Variants in TSR2 observed in about 807,000 individuals in gnomAD.
The protein encoded by TSR2 is TSR2 ribosome maturation factor.
A neutral mutation model predicts 13.3 loss-of-function variants in TSR2; 1 was observed. That is an observed-to-expected ratio of 0.08 (90% confidence interval 0.03 to 0.36). TSR2 has a LOEUF of 0.36. Ranked by LOEUF, TSR2 falls within the 10% of genes least tolerant of loss-of-function variation. TSR2 has a pLI of 0.99. For synonymous variants in TSR2, 60 were observed against 57.7 expected (o/e 1.04, Z -0.18); for missense variants, 120 against 151.1 (o/e 0.79, Z 1.08).
At chrX:54,440,863 C>T in intron 2 of TSR2, 83 bp downstream of exon 2, 2 of 789,258 alleles carry the variant, frequency 2.5e-6, no homozygotes, top group Non-Finnish European at 3.6e-6. Flanking sequence ...TGCATTTCCT[C>T]TCGAGCAGTT....
intron 1 of TSR2, 46 bp from the exon 2 acceptor site, chrX:54,440,644 G>A: frequency 8.5e-7 from 1 of 1,181,187 alleles, no homozygotes; most frequent in Non-Finnish European, 1.1e-6. Context: ...GGCTACTCCA[G>A]GTCTGCTCCC....
Position 54,443,410 on chromosome X carries a change from G to A in TSR2, c.183G>A (p.Glu61=). The change falls in exon 3 of 5, where the codon GAG becomes GAA. Residue 61 remains glutamate (E), a synonymous_variant. Coordinates refer to ENST00000375151, the MANE Select transcript of TSR2 (RefSeq NM_058163.3). ...EDYFMRNADL[E]LDEVEDFLGE... is the part of the protein sequence containing the mutation. ...TCCTTTTCTACTTAGCTGACTTGGA[G>A]CTAGATGAGGTGGAAGACTTCCTTG... 3 of 1,206,807 alleles carry A rather than the reference G, an allele frequency of 2.5e-6. No individual in the cohort carries two copies. The highest frequency in any genetic ancestry group is 2.2e-6 in the Non-Finnish European group (2 of 893,059).
chrX:54,447,069 C>G lies in TSR2; in HGVS notation c.*2519C>G, dbSNP rs992845743. On this transcript the variant is annotated 3_prime_UTR_variant, in exon 5 of 5. Transcript: ENST00000375151. ...ACTCCAAATTGGACCTAGCAGTTCC[C>G]CATCTCTACTCCTTCCAGGAAGCCA... is the stretch of plus-strand genomic sequence containing the variant. 1.8e-5 allele frequency among the ~76,000 whole-genome samples: 2 copies of G among 111,520 alleles called. No individual in the cohort carries two copies. Among genetic ancestry groups the G allele is most frequent in the African/African-American group, 6.5e-5 (2 of 30,674 alleles).
chrX:54,446,112 G>A lies in TSR2; in HGVS notation c.*1562G>A, dbSNP rs763552361. The A allele has an allele frequency of 7.5e-6, 9 of 1,204,696 alleles. No homozygotes were observed. The African/African-American group carries it at 1.1e-4, about 14-fold the overall frequency. On this transcript the variant is annotated 3_prime_UTR_variant, in exon 5 of 5. Coordinates refer to ENST00000375151, the MANE Select transcript of TSR2 (RefSeq NM_058163.3). ...CTCCCAGTTTGTCCCAAACCCTCTA[G>A]GTCTTGTCTCGGGTCTGGGGGGATT...
In TSR2 at chrX:54,447,213, TC is replaced by T. The variant is rs1173359308; in HGVS notation, c.*2665del. 4.1e-6 allele frequency: 4 copies of T among 980,029 alleles called. No individual in the cohort carries two copies. In the African/African-American group the frequency reaches 7.5e-5, roughly 18 times the overall value. The allele number at this position is 980,029 out of a possible 1,213,427, so 80.8% of individuals were successfully genotyped here. On this transcript the variant is annotated 3_prime_UTR_variant, in exon 5 of 5. Transcript: ENST00000375151. ...TCTTAGAGATAGGCTCACCTTATCT[TC>T]CAAGGCTCACCTTATCTTCCAAGGC...
Position 54,445,953 on chromosome X carries a change from ATGAAT to A in TSR2, c.*1405_*1409del. On this transcript the variant is annotated 3_prime_UTR_variant, in exon 5 of 5. Coordinates refer to ENST00000375151, the MANE Select transcript of TSR2 (RefSeq NM_058163.3). ...TTAAAAGCCCACGTTTTGTGAAAAG[ATGAAT>A]TAAAAAACCCAAGACCCAGCATTCG... The A allele has an allele frequency of 1.1e-5, 5 of 444,762 alleles. No individual in the cohort carries two copies. The highest frequency in any genetic ancestry group is 2.0e-5 in the Non-Finnish European group (5 of 255,478). The allele number at this position is 444,762 out of a possible 1,213,427, so 36.7% of individuals were successfully genotyped here.
At position 54,440,717 on chromosome X, in the gene TSR2, G is replaced by A; in HGVS notation, c.109G>A (p.Val37Met). 8.3e-7 allele frequency: 1 copy of A among 1,210,037 alleles called. No homozygotes were observed. The highest frequency in any genetic ancestry group is 1.1e-6 in the Non-Finnish European group (1 of 894,571). Reference protein sequence around the residue: ...QIAVENGFGGVHSQEKAKWLG... With the variant: ...QIAVENGFGGMHSQEKAKWLG... ...CGCTGTGGAGAATGGCTTCGGGGGT[G>A]TGCACAGCCAGGAGAAGGCCAAGTG... Residue 37 changes from valine (V) to methionine (M), a missense_variant, in exon 2 of 5, where the codon GTG (valine) becomes ATG (methionine). Coordinates refer to ENST00000375151, the MANE Select transcript of TSR2 (RefSeq NM_058163.3).
rs755514121 is a variant in TSR2, at chrX:54,447,019, C to T, written c.*2469C>T. ...GATTACAGGCGTGAGCCACTGCGCT[C>T]GGTCCCATCTGCATACTCTTACCCA... On this transcript the variant is annotated 3_prime_UTR_variant, in exon 5 of 5. Coordinates refer to ENST00000375151, the MANE Select transcript of TSR2 (RefSeq NM_058163.3). 9.0e-6 allele frequency among the ~76,000 whole-genome samples: 1 copy of T among 111,461 alleles called. No homozygotes were observed. Among genetic ancestry groups the T allele is most frequent in the South Asian group, 3.8e-4 (1 of 2,640 alleles).
chrX:54,443,368 T>C (rs1437876440), intron 2 of TSR2, 32 bp from the exon 3 acceptor site: 6 of 1,124,531 alleles, frequency 5.3e-6, no homozygotes, highest in Non-Finnish European at 7.3e-6. Flanking sequence ...TGGCTGGTCT[T>C]TGACCCAAGG....
chrX:54,443,376 A>C, intron 2 of TSR2, 24 bp from the exon 3 acceptor site: 1 of 1,150,348 alleles, frequency 8.7e-7, no homozygotes, highest in Non-Finnish European at 1.2e-6. Flanking sequence ...CTTTGACCCA[A>C]GGGCCCTGTC....
rs746845933 is a variant in TSR2, at chrX:54,447,205, C to T, written c.*2655C>T. 19 of 905,180 alleles carry T rather than the reference C, an allele frequency of 2.1e-5. No individual in the cohort carries two copies. The South Asian group carries it at 3.8e-4, about 18-fold the overall frequency. 74.6% of individuals were successfully genotyped at this position (905,180 alleles called of 1,213,427 possible). ...TGATTTCCTCTTAGAGATAGGCTCACCTTATCTTCCAAGGCTCACCTTATC... is the reference window on the plus strand; with the variant it reads ...TGATTTCCTCTTAGAGATAGGCTCATCTTATCTTCCAAGGCTCACCTTATC... On this transcript the variant is annotated 3_prime_UTR_variant, in exon 5 of 5. Transcript: ENST00000375151.
At position 54,444,947 on chromosome X, in the gene TSR2, G is replaced by T. The variant is rs570968660; in HGVS notation, c.*397G>T. 1.6e-4 allele frequency: 19 copies of T among 120,381 alleles called. No homozygotes were observed. The South Asian group carries it at 5.9e-3, about 37-fold the overall frequency. 9.9% of individuals were successfully genotyped at this position (120,381 alleles called of 1,213,427 possible). A position where few individuals can be genotyped will look rare whatever the true frequency, so the allele number is the denominator to read the frequency against. Reference sequence around the variant, plus strand: ...CAGCAGCAGCAGTACTCAGTGATAGGGGGCTGGCTGGGTCAGGAATGGTGA... The same window carrying T: ...CAGCAGCAGCAGTACTCAGTGATAGTGGGCTGGCTGGGTCAGGAATGGTGA... On this transcript the variant is annotated 3_prime_UTR_variant, in exon 5 of 5. Transcript: ENST00000375151.
intron 1 of TSR2, 79 bp from the exon 2 acceptor site, chrX:54,440,611 C>G (rs937584623): frequency 8.8e-7 from 1 of 1,135,506 alleles, no homozygotes; most frequent in Non-Finnish European, 1.2e-6. Flanking sequence ...GAGGAGTTGG[C>G]TGGGCGGCGT....
rs1233534029 is a variant in TSR2 at position 54,444,014 on chromosome X, C to G, written c.271C>G (p.Gln91Glu). ...TTGAATATTTTCTTGGTAGGTGAGC[C>G]AGCAACTGCAGACCATGTTCCACCA... Reference protein sequence around the residue: ...VEDGSLPQVSQQLQTMFHHFQ... With the variant: ...VEDGSLPQVSEQLQTMFHHFQ... The change falls in exon 4 of 5, where the codon CAG becomes GAG. Residue 91 changes from glutamine (Q) to glutamate (E), a missense_variant. Coordinates refer to ENST00000375151, the MANE Select transcript of TSR2 (RefSeq NM_058163.3). The G allele has an allele frequency of 4.1e-6, 5 of 1,206,292 alleles. No homozygotes were observed. In the East Asian group the frequency reaches 1.5e-4, roughly 36 times the overall value.
Position 54,446,465 on chromosome X carries a change from C to T in TSR2, c.*1915C>T. 3 of 1,119,493 alleles carry T rather than the reference C, an allele frequency of 2.7e-6. No homozygotes were observed. Among genetic ancestry groups the T allele is most frequent in the Middle Eastern group, 2.8e-4 (1 of 3,549 alleles). The allele number at this position is 1,119,493 out of a possible 1,213,427, so 92.3% of individuals were successfully genotyped here. A position where few individuals can be genotyped will look rare whatever the true frequency, so the allele number is the denominator to read the frequency against. On this transcript the variant is annotated 3_prime_UTR_variant, in exon 5 of 5. Transcript: ENST00000375151. ...GGCCACCTTGGGGCTAGACCTTTCC[C>T]CCGCCCCAGCTTCTAACTGGTTTTG...
intron 2 of TSR2, 53 bp downstream of exon 2, chrX:54,440,833 G>C: frequency 2.0e-6 from 2 of 986,205 alleles, no homozygotes; most frequent in Non-Finnish European, 2.8e-6. Flanking sequence ...TGGAGAGGAG[G>C]AGCCCCATCC....
chrX:54,446,289 G>A lies in TSR2; in HGVS notation c.*1739G>A, dbSNP rs777975245. 2 of 1,212,020 alleles carry A rather than the reference G, an allele frequency of 1.7e-6. No individual in the cohort carries two copies. Among genetic ancestry groups the A allele is most frequent in the Non-Finnish European group, 2.2e-6 (2 of 895,470 alleles). ...GTCGCTGTAGTTCCTCTGTCTCAGG[G>A]CTGAAGTACCAGCTGAGGTGGCTCT... On this transcript the variant is annotated 3_prime_UTR_variant, in exon 5 of 5. Coordinates refer to ENST00000375151, the MANE Select transcript of TSR2 (RefSeq NM_058163.3).
Position 54,446,995 on chromosome X carries a change from A to T in TSR2, c.*2445A>T, listed in dbSNP as rs760039719. On this transcript the variant is annotated 3_prime_UTR_variant, in exon 5 of 5. Transcript: ENST00000375151. ...TGCCTCGGCCTCTCAGAGTGCTGGG[A>T]TTACAGGCGTGAGCCACTGCGCTCG... is the stretch of plus-strand genomic sequence containing the variant. Among the ~76,000 whole-genome samples the T allele has an allele frequency of 5.4e-5, 6 of 111,082 alleles. No homozygotes were observed. The highest frequency in any genetic ancestry group is 1.1e-4 in the Non-Finnish European group (6 of 52,990).
At chrX:54,442,696 CTCAG>C (rs1921979339) in intron 2 of TSR2, among the ~76,000 whole-genome samples, 2 of 111,554 alleles carry the variant, frequency 1.8e-5, no homozygotes, top group Admixed American at 9.5e-5. Context: ...AGGAAGGTGG[CTCAG>C]TCAGAGTCAC....
Sources: gnomAD v4.1 joint callset for allele counts (sites outside exome capture counted in the v4.1 genomes callset) on GRCh38, gnomAD v4.1.1 for gene constraint, MANE v1.5 for transcripts, NCBI Gene and HGNC (gene_info 2026-07-23, HGNC 2026-07-21) for gene names.